The following BFAR variants were observed in gnomAD, a reference collection of about 807,000 sequenced individuals.
The protein encoded by BFAR is bifunctional apoptosis regulator.
In BFAR, 52 loss-of-function variants were observed where a neutral mutation model predicts 54.4. That is an observed-to-expected ratio of 0.96 (90% CI 0.77 to 1.21). The LOEUF (loss-of-function observed/expected upper bound fraction) is 1.21, where lower values mean the gene tolerates loss of function less well. BFAR is among the 50% of genes most tolerant of loss of function. The probability of loss-of-function intolerance (pLI) is 0.00; values close to 1 mark genes in which losing one functional copy is unlikely to be tolerated. For missense variants in BFAR, 571 were observed against 534.0 expected, an observed-to-expected ratio of 1.07 and a Z score of -0.68; for synonymous variants, 215 against 204.3, an observed-to-expected ratio of 1.05 and a Z score of -0.45.
intron 6 of BFAR, among the ~76,000 whole-genome samples, chr16:14,662,656 A>T (rs1328142009): frequency 2.0e-5 from 3 of 152,118 alleles, no homozygotes; most frequent in African/African-American, 4.8e-5. Context: ...AGTAGCTGGG[A>T]CTACAGGCGA....
chr16:14,666,857 T>C (rs1960455666), intron 7 of BFAR, among the ~76,000 whole-genome samples: 1 of 152,152 alleles, frequency 6.6e-6, no homozygotes, highest in Non-Finnish European at 1.5e-5. Flanking sequence ...GGCAGATCTT[T>C]TGGTAAAGAA....
chr16:14,648,558 T>C lies in BFAR; in HGVS notation c.434T>C (p.Phe145Ser), dbSNP rs866595058. 3.1e-6 allele frequency: 5 copies of C among 1,613,868 alleles called. No individual in the cohort carries two copies. In the African/African-American group the frequency reaches 5.3e-5, roughly 17 times the overall value. ...RANQQMGGGF[F>S]SGVLTALTGV... ...AATCAGCAGATGGGAGGGGGATTCT[T>C]TTCCGGTGTGCTCACAGCTTTAACT... is the stretch of plus-strand genomic sequence containing the variant. The change falls in exon 3 of 8, where the codon TTT (phenylalanine) becomes TCT (serine). Residue 145 changes from phenylalanine (F) to serine (S), a missense_variant. Transcript: ENST00000261658.
At chr16:14,666,559 G>A (rs889016232) in intron 7 of BFAR, among the ~76,000 whole-genome samples, 6 of 152,002 alleles carry the variant, frequency 3.9e-5, no homozygotes, top group African/African-American at 9.7e-5. Flanking sequence ...GCGACAAAAC[G>A]AGAGTCCATC....
intron 1 of BFAR, among the ~76,000 whole-genome samples, chr16:14,640,607 C>G (rs1191329516): frequency 6.6e-6 from 1 of 152,122 alleles, no homozygotes; most frequent in Admixed American, 6.6e-5. Flanking sequence ...AGGTGTTGCC[C>G]TGGTAGGGCG....
At chr16:14,647,665 A>C (rs1213752594) in intron 2 of BFAR, among the ~76,000 whole-genome samples, 1 of 151,652 alleles carries the variant, frequency 6.6e-6, no homozygotes, top group African/African-American at 2.4e-5. Flanking sequence ...TGACAGAGCA[A>C]GACTCTTGTC....
chr16:14,659,274 G>A (rs1464337176), intron 5 of BFAR, among the ~76,000 whole-genome samples: 2 of 141,606 alleles, frequency 1.4e-5, no homozygotes, highest in Non-Finnish European at 3.0e-5. Flanking sequence ...ACAGAGTCTC[G>A]CTCTGCCTCC....
intron 3 of BFAR, 77 bp downstream of exon 3, chr16:14,648,669 T>A: frequency 9.7e-7 from 1 of 1,034,632 alleles, no homozygotes; most frequent in Non-Finnish European, 1.4e-6. Flanking sequence ...AAGTCAGTTC[T>A]GTTGAAATCA....
chr16:14,649,132 G>T (rs1373779424), intron 3 of BFAR, among the ~76,000 whole-genome samples: 1 of 149,388 alleles, frequency 6.7e-6, no homozygotes, highest in African/African-American at 2.5e-5. Context: ...CTAGAGTGCG[G>T]TGGCATGATC....
At chr16:14,641,297 G>C (rs977032393) in intron 1 of BFAR, among the ~76,000 whole-genome samples, 2 of 152,196 alleles carry the variant, frequency 1.3e-5, no homozygotes, top group Admixed American at 1.3e-4. Flanking sequence ...ACAGTGAAGA[G>C]AAGAGTAGCT....
rs547361112 is a variant in BFAR at position 14,660,584 on chromosome 16, CT to C, written c.784-1291del. Among the ~76,000 whole-genome samples, 306 of 117,392 alleles carry C rather than the reference CT, an allele frequency of 2.6e-3. 6 individuals are homozygous for C. The East Asian group carries it at 0.043, about 16-fold the overall frequency. 77.0% of individuals were successfully genotyped at this position (117,392 alleles called of 152,430 possible). On this transcript the variant is annotated intron_variant, in intron 5 of 7. Coordinates refer to ENST00000261658, the MANE Select transcript of BFAR (RefSeq NM_016561.3). ...ACAGGTGTGAGCCACCGCACTCGGCCTTTTTTTTTTTTTTTTTAAAGAAACG... is the reference window on the plus strand; with the variant it reads ...ACAGGTGTGAGCCACCGCACTCGGCCTTTTTTTTTTTTTTTTAAAGAAACG...
intron 4 of BFAR, chr16:14,650,677 C>T (rs994145422): frequency 2.0e-5 from 3 of 152,104 alleles, no homozygotes; most frequent in South Asian, 2.1e-4. Context: ...TACTTCATTC[C>T]GTTTTATGGC....
chr16:14,662,229 G>A (rs950394379), intron 6 of BFAR, among the ~76,000 whole-genome samples, 164 bp downstream of exon 6: 11 of 151,992 alleles, frequency 7.2e-5, no homozygotes, highest in Non-Finnish European at 2.9e-5. Flanking sequence ...CTTCTCTTGG[G>A]GCCAGTACTT....
At chr16:14,653,559 C>G (rs752560525) in intron 4 of BFAR, among the ~76,000 whole-genome samples, 2 of 152,086 alleles carry the variant, frequency 1.3e-5, no homozygotes, top group African/African-American at 4.8e-5. Flanking sequence ...CTCCTGACCT[C>G]AGATGATCTA....
At chr16:14,635,164 G>T (rs1299927456) in intron 1 of BFAR, among the ~76,000 whole-genome samples, 1 of 152,142 alleles carries the variant, frequency 6.6e-6, no homozygotes, top group African/African-American at 2.4e-5. Context: ...GTGAAACCCT[G>T]TCTCTACTAA....
chr16:14,665,700 A>G (rs1487126458), intron 7 of BFAR, among the ~76,000 whole-genome samples: 2 of 152,160 alleles, frequency 1.3e-5, no homozygotes, highest in African/African-American at 4.8e-5. Flanking sequence ...TACGTGATGT[A>G]CGTGCTCTTA....
At chr16:14,658,228 T>A (rs1960183723) in intron 5 of BFAR, among the ~76,000 whole-genome samples, 1 of 152,198 alleles carries the variant, frequency 6.6e-6, no homozygotes, top group South Asian at 2.1e-4. Flanking sequence ...AGGCGGTGTC[T>A]GATTTACATA....
chr16:14,652,228 A>G (rs1475984401), intron 4 of BFAR, among the ~76,000 whole-genome samples: 1 of 151,926 alleles, frequency 6.6e-6, no homozygotes, highest in Admixed American at 6.6e-5. Flanking sequence ...TACAGCAGCT[A>G]TGAGCCGGGA....
chr16:14,661,709 C>T (rs1430867104), intron 5 of BFAR, among the ~76,000 whole-genome samples, 183 bp from the exon 6 acceptor site: 7 of 152,168 alleles, frequency 4.6e-5, no homozygotes, highest in Non-Finnish European at 1.0e-4. Flanking sequence ...CCGCCAAGAT[C>T]GAATCTTTAT....
At chr16:14,664,390 CAAAAA>C (rs753783830) in intron 6 of BFAR, among the ~76,000 whole-genome samples, 53 of 58,116 alleles carry the variant, frequency 9.1e-4, no homozygotes, top group African/African-American at 2.7e-3. Context: ...GACTCCGTCT[CAAAAA>C]AAAAAAAAAA....
Sources: gnomAD v4.1 joint callset for allele counts (sites outside exome capture counted in the v4.1 genomes callset) on GRCh38, gnomAD v4.1.1 for gene constraint, MANE v1.5 for transcripts, NCBI Gene and HGNC (gene_info 2026-07-23, HGNC 2026-07-21) for gene names.